The following FGF14 variants were observed in gnomAD, a reference collection of about 807,000 sequenced individuals.
FGF14 encodes the protein fibroblast growth factor 14, also known as fibroblast growth factor homologous factor 4.
Under a neutral mutation model 25.5 loss-of-function variants are expected in FGF14, and 5 were observed. The observed-to-expected ratio is 0.20, with a 90% CI of 0.10 to 0.41. The LOEUF (loss-of-function observed/expected upper bound fraction) is 0.41, where lower values mean the gene tolerates loss of function less well. FGF14 is among the 10% of genes least tolerant of loss of function. The pLI is 1.00. For missense variants in FGF14, 222 were observed against 320.1 expected (o/e 0.69, Z 2.34); for synonymous variants, 138 against 118.3 (o/e 1.17, Z -1.08).
At chr13:101,834,284 A>C (rs1178539861) in intron 3 of FGF14, among the ~76,000 whole-genome samples, 1 of 152,040 alleles carries the variant, frequency 6.6e-6, no homozygotes. Context: ...ATTTGCATCA[A>C]AACATTGTTG....
At chr13:101,751,321 C>T (rs977020208) in intron 3 of FGF14, among the ~76,000 whole-genome samples, 2 of 152,008 alleles carry the variant, frequency 1.3e-5, no homozygotes, top group South Asian at 2.1e-4. Context: ...TTTATGGGAA[C>T]GCTCTACTTA....
chr13:101,854,376 T>G (rs2044016510), intron 3 of FGF14, among the ~76,000 whole-genome samples: 1 of 152,066 alleles, frequency 6.6e-6, no homozygotes, highest in African/African-American at 2.4e-5. Flanking sequence ...CTGAGATTGC[T>G]CTATGGTATT....
intron 3 of FGF14, among the ~76,000 whole-genome samples, chr13:101,837,480 G>A (rs548900640): frequency 3.3e-5 from 5 of 152,196 alleles, no homozygotes; most frequent in South Asian, 2.1e-4. Flanking sequence ...AGCTTGTTGC[G>A]TAATGTGCTG....
At chr13:102,276,276 C>T (rs1572465) in intron 1 of FGF14, among the ~76,000 whole-genome samples, 109,154 of 140,554 alleles carry the variant, frequency 0.78, 43,297 homozygotes, top group African/African-American at 0.94. Context: ...TTCTGGAAAT[C>T]TCTGTCTTCC....
At chr13:102,329,439 C>A (rs2056567030) in intron 1 of FGF14, among the ~76,000 whole-genome samples, 1 of 152,176 alleles carries the variant, frequency 6.6e-6, no homozygotes, top group Admixed American at 6.5e-5. Context: ...GTGAGCAGGA[C>A]TCAATGTGAG....
intron 1 of FGF14, among the ~76,000 whole-genome samples, chr13:101,971,577 G>A (rs924807942): frequency 6.6e-6 from 1 of 152,218 alleles, no homozygotes; most frequent in Non-Finnish European, 1.5e-5. Context: ...TTGCCATGTC[G>A]TCTAGGCTGG....
intron 1 of FGF14, among the ~76,000 whole-genome samples, chr13:102,388,128 C>T (rs987003417): frequency 1.3e-5 from 2 of 152,074 alleles, no homozygotes; most frequent in Non-Finnish European, 2.9e-5. Context: ...TCCATGTGTA[C>T]TCAATGTAGA....
chr13:102,267,572 T>C (rs2053051133), intron 1 of FGF14, among the ~76,000 whole-genome samples: 1 of 152,168 alleles, frequency 6.6e-6, no homozygotes, highest in African/African-American at 2.4e-5. Context: ...ATCATATCTA[T>C]GGTTATATAT....
chr13:102,130,069 A>C (rs548835035), intron 1 of FGF14, among the ~76,000 whole-genome samples: 57 of 152,310 alleles, frequency 3.7e-4, no homozygotes, highest in South Asian at 1.5e-3. Flanking sequence ...AGAACCTTGA[A>C]TAGTAGTCCA....
At chr13:102,271,289 C>T (rs888564607) in intron 1 of FGF14, among the ~76,000 whole-genome samples, 5 of 152,156 alleles carry the variant, frequency 3.3e-5, no homozygotes, top group African/African-American at 1.2e-4. Context: ...TTCCCCAGCA[C>T]GCCTTCCTGC....
At chr13:102,248,914 G>A (rs533507843) in intron 1 of FGF14, among the ~76,000 whole-genome samples, 2 of 152,120 alleles carry the variant, frequency 1.3e-5, no homozygotes, top group African/African-American at 4.8e-5. Context: ...AAGGGAGCAG[G>A]AGGAGTCCAA....
At chr13:102,323,502 T>C (rs2056317665) in intron 1 of FGF14, among the ~76,000 whole-genome samples, 1 of 152,180 alleles carries the variant, frequency 6.6e-6, no homozygotes, top group Admixed American at 6.5e-5. Flanking sequence ...TGAAAGGCAT[T>C]GATATGACAT....
intron 1 of FGF14, among the ~76,000 whole-genome samples, chr13:102,342,441 A>T (rs558841805): frequency 1.6e-4 from 24 of 152,276 alleles, no homozygotes; most frequent in Non-Finnish European, 2.6e-4. Flanking sequence ...TTTAAAAAAA[A>T]ATATGAAAGA....
intron 3 of FGF14, among the ~76,000 whole-genome samples, chr13:101,843,824 G>A (rs1177723688): frequency 6.6e-6 from 1 of 151,976 alleles, no homozygotes; most frequent in Admixed American, 6.6e-5. Flanking sequence ...GAAAGACAGT[G>A]AAATGCATGT....
chr13:102,015,136 G>A (rs748968610), intron 1 of FGF14, among the ~76,000 whole-genome samples: 39 of 152,162 alleles, frequency 2.6e-4, no homozygotes, highest in Non-Finnish European at 5.3e-4. Context: ...TCAAACTCCT[G>A]ACTTCATGTG....
At chr13:101,759,874 A>G (rs1018950939) in intron 3 of FGF14, among the ~76,000 whole-genome samples, 2 of 152,204 alleles carry the variant, frequency 1.3e-5, no homozygotes, top group African/African-American at 4.8e-5. Flanking sequence ...GATAAATGAA[A>G]GGATCAGCCT....
chr13:102,309,168 A>ACACC (rs746190593), intron 1 of FGF14, among the ~76,000 whole-genome samples: 1 of 150,378 alleles, frequency 6.6e-6, no homozygotes, highest in Non-Finnish European at 1.5e-5. Flanking sequence ...ACACACACAC[A>ACACC]TCTCGCACAG....
chr13:102,149,264 C>A (rs2046980609), intron 1 of FGF14, among the ~76,000 whole-genome samples: 1 of 151,788 alleles, frequency 6.6e-6, no homozygotes, highest in African/African-American at 2.4e-5. Flanking sequence ...TATAAAATGG[C>A]CTCTCTTATG....
intron 3 of FGF14, among the ~76,000 whole-genome samples, chr13:101,733,612 AGAGAGAGAG>A (rs201481489): frequency 1.4e-5 from 1 of 72,794 alleles, no homozygotes; most frequent in South Asian, 5.9e-4. Context: ...AAAAAAAAAA[AGAGAGAGAG>A]GAGAGAGAGA....
Sources: gnomAD v4.1 joint callset for allele counts (sites outside exome capture counted in the v4.1 genomes callset) on GRCh38, gnomAD v4.1.1 for gene constraint, MANE v1.5 for transcripts, NCBI Gene and HGNC (gene_info 2026-07-23, HGNC 2026-07-21) for gene names.